The following NECAB1 variants were observed in gnomAD, a reference collection of about 807,000 sequenced individuals.
NECAB1 encodes N-terminal EF-hand calcium-binding protein 1.
Under a neutral mutation model 57.5 loss-of-function variants are expected in NECAB1, and 29 were observed. The observed-to-expected ratio is 0.50, with a 90% CI of 0.38 to 0.69. The LOEUF is 0.69. NECAB1 is among the 30% of genes least tolerant of loss of function. NECAB1 has a pLI of 0.00. For missense variants in NECAB1, 372 were observed against 413.8 expected (o/e 0.90, Z 0.88); for synonymous variants, 142 against 147.7 (o/e 0.96, Z 0.28).
chr8:90,867,926 C>T (rs1226985840), intron 3 of NECAB1, among the ~76,000 whole-genome samples: 1 of 152,116 alleles, frequency 6.6e-6, no homozygotes, highest in East Asian at 1.9e-4. Flanking sequence ...ACTCAAATCT[C>T]ATGTTGAATT....
At chr8:90,914,064 T>TG (rs1406896318) in intron 5 of NECAB1, among the ~76,000 whole-genome samples, 3 of 152,204 alleles carry the variant, frequency 2.0e-5, no homozygotes, top group African/African-American at 7.2e-5. Flanking sequence ...ACACTCCCTC[T>TG]GGTGCCTGAC....
At chr8:90,880,873 A>T (rs375224906) in intron 4 of NECAB1, among the ~76,000 whole-genome samples, 160 bp from the exon 5 acceptor site, 49 of 152,296 alleles carry the variant, frequency 3.2e-4, no homozygotes, top group African/African-American at 1.1e-3. Context: ...TGAAATGAGC[A>T]GATTGTCACC....
intron 9 of NECAB1, among the ~76,000 whole-genome samples, chr8:90,938,876 C>T (rs1810603017): frequency 6.6e-6 from 1 of 152,160 alleles, no homozygotes; most frequent in South Asian, 2.1e-4. Flanking sequence ...GCAATTTAGG[C>T]TGGGATCAAC....
chr8:90,941,322 C>T (rs986943959), intron 10 of NECAB1, among the ~76,000 whole-genome samples: 2 of 152,194 alleles, frequency 1.3e-5, no homozygotes, highest in Non-Finnish European at 2.9e-5. Context: ...GCCTAATGAC[C>T]ATTTCAGCCA....
chr8:90,853,807 C>T (rs1812735897), intron 3 of NECAB1, among the ~76,000 whole-genome samples: 1 of 152,106 alleles, frequency 6.6e-6, no homozygotes, highest in Non-Finnish European at 1.5e-5. Context: ...GGGAAGAAGG[C>T]TTTAAGATGG....
At chr8:90,919,294 A>C (rs1037139681) in intron 6 of NECAB1, among the ~76,000 whole-genome samples, 1 of 152,204 alleles carries the variant, frequency 6.6e-6, no homozygotes. Context: ...GATGTGCTTT[A>C]TCTAACTTTT....
intron 6 of NECAB1, among the ~76,000 whole-genome samples, chr8:90,924,249 T>G (rs1810203524): frequency 6.6e-6 from 1 of 152,162 alleles, no homozygotes; most frequent in Admixed American, 6.5e-5. Context: ...ATCAATAAAG[T>G]AAGGAAGATG....
chr8:90,838,733 T>C (rs1165713312), intron 3 of NECAB1, among the ~76,000 whole-genome samples: 2 of 152,230 alleles, frequency 1.3e-5, no homozygotes, highest in Non-Finnish European at 2.9e-5. Context: ...CCCTTGTCTA[T>C]GTTATAACAA....
At chr8:90,936,456 T>A (rs1810541337) in intron 9 of NECAB1, among the ~76,000 whole-genome samples, 1 of 152,292 alleles carries the variant, frequency 6.6e-6, no homozygotes, top group Non-Finnish European at 1.5e-5. Flanking sequence ...ATCCTCAGAC[T>A]CATTTTATCA....
chr8:90,942,140 C>T (rs1344745632), intron 10 of NECAB1, among the ~76,000 whole-genome samples: 2 of 152,218 alleles, frequency 1.3e-5, no homozygotes, highest in Non-Finnish European at 2.9e-5. Context: ...TGGAATTTTA[C>T]TAGCTTTGTG....
intron 5 of NECAB1, among the ~76,000 whole-genome samples, chr8:90,909,060 C>G (rs1809763501): frequency 2.0e-5 from 3 of 152,254 alleles, no homozygotes; most frequent in Admixed American, 2.0e-4. Flanking sequence ...TACAAGTAAG[C>G]ACGTTCTTCT....
At chr8:90,921,873 C>T (rs540787310) in intron 6 of NECAB1, among the ~76,000 whole-genome samples, 6 of 152,302 alleles carry the variant, frequency 3.9e-5, no homozygotes, top group Non-Finnish European at 7.3e-5. Flanking sequence ...GGGAGAATCA[C>T]ACAGTATCAT....
Position 90,959,053 on chromosome 8 carries a change from AATTT to A in NECAB1, c.*3544_*3547del. On this transcript the variant is annotated 3_prime_UTR_variant, in exon 13 of 13. Coordinates refer to ENST00000417640, the MANE Select transcript of NECAB1 (RefSeq NM_022351.5). ...TTCCTGTAATATAAAAGAAAAAGTTAATTTATCAATTGATTGAATACAGTTTTTA... is the reference window on the plus strand; with the variant it reads ...TTCCTGTAATATAAAAGAAAAAGTTAATCAATTGATTGAATACAGTTTTTA... The A allele has an allele frequency of 8.9e-7, 1 of 1,125,792 alleles. No individual in the cohort carries two copies. The highest frequency in any genetic ancestry group is 1.5e-5 in the South Asian group (1 of 68,510). 69.7% of individuals were successfully genotyped at this position (1,125,792 alleles called of 1,614,324 possible).
At chr8:90,921,422 A>G (rs906169696) in intron 6 of NECAB1, among the ~76,000 whole-genome samples, 6 of 151,910 alleles carry the variant, frequency 3.9e-5, no homozygotes, top group Non-Finnish European at 8.8e-5. Flanking sequence ...TGATTCCTGC[A>G]CTTTGGGAGG....
chr8:90,863,999 TG>T (rs1563509810), intron 3 of NECAB1, among the ~76,000 whole-genome samples: 1 of 152,152 alleles, frequency 6.6e-6, no homozygotes, highest in Non-Finnish European at 1.5e-5. Flanking sequence ...AGACTGATGC[TG>T]GTCCTCAAAG....
At position 90,880,985 on chromosome 8, in the gene NECAB1, G is replaced by A. The variant is rs746533331; in HGVS notation, c.260-48G>A. On this transcript the variant is annotated intron_variant, in intron 4 of 12. Coordinates refer to ENST00000417640, the MANE Select transcript of NECAB1 (RefSeq NM_022351.5). ...AATTAGTTGATTTTTTTGTTTTATG[G>A]TTACCTAAACTCAAATATGAATTTA... 4 of 1,380,800 alleles carry A rather than the reference G, an allele frequency of 2.9e-6. No individual in the cohort carries two copies. In the African/African-American group the frequency reaches 4.4e-5, roughly 15 times the overall value. 85.5% of individuals were successfully genotyped at this position (1,380,800 alleles called of 1,614,324 possible).
chr8:90,796,367 T>A (rs532021805), intron 1 of NECAB1, among the ~76,000 whole-genome samples: 35 of 152,336 alleles, frequency 2.3e-4, no homozygotes, highest in African/African-American at 7.7e-4. Flanking sequence ...TCTTATATTC[T>A]AGTTTCTCAG....
intron 5 of NECAB1, among the ~76,000 whole-genome samples, chr8:90,888,468 T>G (rs1563519022): frequency 6.6e-6 from 1 of 152,162 alleles, no homozygotes. Context: ...AAATTTGATA[T>G]GACTCATTTC....
At chr8:90,853,134 T>C (rs556357819) in intron 3 of NECAB1, among the ~76,000 whole-genome samples, 18 of 152,364 alleles carry the variant, frequency 1.2e-4, no homozygotes, top group African/African-American at 4.3e-4. Flanking sequence ...GCAAAGCACT[T>C]GCCCTGGCTC....
Sources: gnomAD v4.1 joint callset for allele counts (sites outside exome capture counted in the v4.1 genomes callset) on GRCh38, gnomAD v4.1.1 for gene constraint, MANE v1.5 for transcripts, NCBI Gene and HGNC (gene_info 2026-07-23, HGNC 2026-07-21) for gene names.